ZNG1E: variants seen among roughly 807,000 people sequenced by gnomAD.
ZNG1E encodes Zn regulated GTPase metalloprotein activator 1E.
chr9:65,687,714 G>T, the ZNG1E span, among the ~76,000 whole-genome samples: 1 of 149,432 alleles, frequency 6.7e-6, no homozygotes, highest in Non-Finnish European at 1.5e-5. Context: ...TTAGAACTTT[G>T]TGGTCACTGT....
chr9:65,686,749 G>A, the ZNG1E span, among the ~76,000 whole-genome samples: 3 of 152,364 alleles, frequency 2.0e-5, no homozygotes, highest in African/African-American at 7.2e-5. Context: ...ATCAGCATTT[G>A]CTGCTTCCCC....
At chr9:65,678,222 C>G in the ZNG1E span, among the ~76,000 whole-genome samples, 1 of 146,486 alleles carries the variant, frequency 6.8e-6, no homozygotes, top group East Asian at 2.0e-4. Flanking sequence ...TGTTCAGGGC[C>G]TCTGTCTCAG....
chr9:65,687,814 A>G, the ZNG1E span, among the ~76,000 whole-genome samples: 1 of 150,590 alleles, frequency 6.6e-6, no homozygotes, highest in African/African-American at 2.4e-5. Flanking sequence ...TTTTAATCTA[A>G]AATGCCTGAG....
At chr9:65,727,316 T>C in the ZNG1E span, among the ~76,000 whole-genome samples, 1 of 148,484 alleles carries the variant, frequency 6.7e-6, no homozygotes, top group Non-Finnish European at 1.5e-5. Context: ...AAAACAAAAG[T>C]ACAATTAGAA....
the ZNG1E span, among the ~76,000 whole-genome samples, chr9:65,726,613 G>GCAT: frequency 2.8e-5 from 1 of 35,228 alleles, no homozygotes; most frequent in African/African-American, 8.9e-5. Flanking sequence ...GCTCTGGAAA[G>GCAT]TCTTAGCAAT....
chr9:65,694,552 ACT>A, the ZNG1E span, among the ~76,000 whole-genome samples: 1 of 152,066 alleles, frequency 6.6e-6, no homozygotes, highest in Non-Finnish European at 1.5e-5. Context: ...AAACTGACAC[ACT>A]GTCAGGATAA....
the ZNG1E span, among the ~76,000 whole-genome samples, chr9:65,663,684 A>C: frequency 9.0e-3 from 1,353 of 150,284 alleles, no homozygotes; most frequent in Non-Finnish European, 0.013. Flanking sequence ...ATAAATCCCT[A>C]TCAGTAGAAT....
the ZNG1E span, among the ~76,000 whole-genome samples, chr9:65,724,730 G>C: frequency 1.1e-5 from 1 of 90,104 alleles, no homozygotes; most frequent in South Asian, 4.7e-4. Context: ...TTTCCAACTT[G>C]CATTAAAATA....
At chr9:65,658,036 T>A in the ZNG1E span, among the ~76,000 whole-genome samples, 1 of 151,954 alleles carries the variant, frequency 6.6e-6, no homozygotes, top group Non-Finnish European at 1.5e-5. Flanking sequence ...GAGGCGGAGG[T>A]TGCAGTGAGC....
At chr9:65,657,953 G>T in the ZNG1E span, among the ~76,000 whole-genome samples, 155 of 152,246 alleles carry the variant, frequency 1.0e-3, no homozygotes, top group Non-Finnish European at 1.7e-3. Context: ...TACAAAGTTA[G>T]CTGGGCATGG....
chr9:65,664,524 T>C, the ZNG1E span, among the ~76,000 whole-genome samples: 20,057 of 42,584 alleles, frequency 0.47, 6,672 homozygotes, highest in Middle Eastern at 0.74. Flanking sequence ...CATGTGGAAC[T>C]GTAAGTCCAA....
the ZNG1E span, among the ~76,000 whole-genome samples, chr9:65,662,061 T>C: frequency 6.6e-6 from 1 of 152,328 alleles, no homozygotes; most frequent in African/African-American, 2.4e-5. Context: ...GGCAGAACCC[T>C]GCTGACAAAG....
the ZNG1E span, among the ~76,000 whole-genome samples, chr9:65,718,319 C>A: frequency 7.0e-6 from 1 of 142,852 alleles, no homozygotes; most frequent in Non-Finnish European, 1.5e-5. Flanking sequence ...CAAAATTTGC[C>A]TTTCTTAAAC....
the ZNG1E span, chr9:65,700,757 T>A: frequency 0.023 from 2,754 of 121,016 alleles, 453 homozygotes; most frequent in African/African-American, 0.085. Context: ...TTTTTTTTTT[T>A]AAATTTATTC....
chr9:65,664,489 G>T, the ZNG1E span, among the ~76,000 whole-genome samples: 1 of 83,682 alleles, frequency 1.2e-5, no homozygotes, highest in Non-Finnish European at 2.5e-5. Flanking sequence ...TTTGCCTTCC[G>T]CCATGATTGT....
At chr9:65,710,452 T>C in the ZNG1E span, among the ~76,000 whole-genome samples, 568 of 150,464 alleles carry the variant, frequency 3.8e-3, no homozygotes, top group African/African-American at 0.013. Flanking sequence ...TGAATGGTAA[T>C]GCCTAGGTTT....
At chr9:65,696,194 TA>T in the ZNG1E span, among the ~76,000 whole-genome samples, 2 of 135,490 alleles carry the variant, frequency 1.5e-5, no homozygotes, top group African/African-American at 5.2e-5. Context: ...AATATGCACT[TA>T]TTTTTTTAAA....
chr9:65,686,472 T>TA, the ZNG1E span, among the ~76,000 whole-genome samples: 1 of 152,232 alleles, frequency 6.6e-6, no homozygotes, highest in African/African-American at 2.4e-5. Context: ...CCATCTCGAC[T>TA]AAAAATACCA....
chr9:65,675,042 C>T, the ZNG1E span, among the ~76,000 whole-genome samples: 1 of 147,128 alleles, frequency 6.8e-6, no homozygotes, highest in Non-Finnish European at 1.5e-5. Flanking sequence ...CAAAATTAAA[C>T]AACATATTCT....
Sources: allele counts gnomAD v4.1 joint callset (sites outside exome capture counted in the v4.1 genomes callset), GRCh38; gene constraint gnomAD v4.1.1; transcripts MANE v1.5; gene names NCBI Gene and HGNC (gene_info 2026-07-23, HGNC 2026-07-21).